Variants in EPB41 observed in about 807,000 individuals in gnomAD.
The protein encoded by EPB41 is erythrocyte membrane protein band 4.1.
Under a neutral mutation model 108.0 loss-of-function variants are expected in EPB41, and 65 were observed. The ratio of observed to expected loss-of-function variants is 0.60; its 90% CI spans 0.49 to 0.74. The LOEUF (loss-of-function observed/expected upper bound fraction) is 0.74. Ranked by LOEUF, EPB41 falls within the 30% of genes least tolerant of loss-of-function variation. EPB41 has a pLI of 0.00. For missense variants in EPB41, 875 were observed against 1,037.0 expected (o/e 0.84, Z 2.15); for synonymous variants, 336 against 358.9 (o/e 0.94, Z 0.72).
chr1:28,933,561 AT>A (rs1204685473), intron 1 of EPB41, among the ~76,000 whole-genome samples: 3 of 152,204 alleles, frequency 2.0e-5, no homozygotes, highest in Non-Finnish European at 4.4e-5. Flanking sequence ...GATGACCAGG[AT>A]TCAATCTAGG....
rs200686619 is a variant in EPB41 at position 29,025,554 on chromosome 1, A to G, written c.1125-4846A>G. 9.9e-5 allele frequency among the ~76,000 whole-genome samples: 15 copies of G among 152,106 alleles called. 1 individual carries two copies. The East Asian group carries it at 2.9e-3, about 29-fold the overall frequency. ...CTCAAAGGTCTTGGAAATTTTAGGG[A>G]AAACCTTGATCATTAAAATTTAAGG... On this transcript the variant is annotated intron_variant, in intron 7 of 20. Coordinates refer to ENST00000343067, the MANE Select transcript of EPB41 (RefSeq NM_001376013.1).
At chr1:28,978,008 T>C (rs574826289) in intron 1 of EPB41, among the ~76,000 whole-genome samples, 1 of 151,732 alleles carries the variant, frequency 6.6e-6, no homozygotes, top group South Asian at 2.1e-4. Context: ...TTCATTTTTA[T>C]GTTTTTTCTT....
At chr1:29,089,191 C>A (rs1660332603) in intron 16 of EPB41, among the ~76,000 whole-genome samples, 1 of 152,082 alleles carries the variant, frequency 6.6e-6, no homozygotes, top group Non-Finnish European at 1.5e-5. Flanking sequence ...GGTAAACATA[C>A]AAAAATATTA....
At chr1:29,059,003 A>G (rs547590112) in intron 14 of EPB41, among the ~76,000 whole-genome samples, 151 bp downstream of exon 14, 12 of 152,360 alleles carry the variant, frequency 7.9e-5, no homozygotes, top group African/African-American at 2.9e-4. Context: ...GGCCAGGAGC[A>G]TTGGCTCACA....
chr1:28,988,012 C>T (rs1250643026), intron 2 of EPB41, 107 bp downstream of exon 2: 6 of 1,230,676 alleles, frequency 4.9e-6, no homozygotes, highest in African/African-American at 4.5e-5. Flanking sequence ...CCTGTAATTC[C>T]ACCACTTTGG....
chr1:28,997,444 A>G, intron 4 of EPB41, 125 bp downstream of exon 4: 1 of 684,764 alleles, frequency 1.5e-6, no homozygotes, highest in Non-Finnish European at 2.6e-6. Flanking sequence ...GTCTACTCTT[A>G]TTTCTTAGAT....
chr1:28,959,221 T>TTC, intron 1 of EPB41, among the ~76,000 whole-genome samples: 1 of 146,412 alleles, frequency 6.8e-6, no homozygotes, highest in East Asian at 2.0e-4. Context: ...TCTTTTTTTT[T>TTC]TTTTTTTTTT....
rs1292707861 is a variant in EPB41 at position 28,931,572 on chromosome 1, A to G, written c.-8+16804A>G. Among the ~76,000 whole-genome samples, 4 of 148,492 alleles carry G rather than the reference A, an allele frequency of 2.7e-5. 1 individual carries two copies. The highest frequency in any genetic ancestry group is 9.9e-5 in the African/African-American group (4 of 40,218). The stretch of plus-strand genomic sequence containing the variant: ...GAGACAAAGTCTCGCTCTGTTGCCC[A>G]GGCTGGAGTGCAGTGGTGCGATCTC... On this transcript the variant is annotated intron_variant, in intron 1 of 20. Transcript: ENST00000343067.
At chr1:29,064,579 C>T (rs1647027583) in intron 15 of EPB41, among the ~76,000 whole-genome samples, 1 of 152,176 alleles carries the variant, frequency 6.6e-6, no homozygotes, top group Non-Finnish European at 1.5e-5. Context: ...TTATCTGTTG[C>T]TATCTCCATC....
chr1:29,044,382 C>T lies in EPB41; in HGVS notation c.1636+4956C>T, dbSNP rs142578574. Among the ~76,000 whole-genome samples the T allele has an allele frequency of 9.3e-3, 1,423 of 152,272 alleles. 10 individuals are homozygous for T. Among genetic ancestry groups the T allele is most frequent in the Admixed American group, 0.015 (235 of 15,294 alleles). ...GTCTTTTCCTGATAGCAAAGATAAC[C>T]AAAGAGTCAAGTGTTAATGAGCTTT... On this transcript the variant is annotated intron_variant, in intron 11 of 20. Coordinates refer to ENST00000343067, the MANE Select transcript of EPB41 (RefSeq NM_001376013.1).
intron 1 of EPB41, among the ~76,000 whole-genome samples, chr1:28,963,213 C>T (rs2095268723): frequency 6.6e-6 from 1 of 152,068 alleles, no homozygotes; most frequent in South Asian, 2.1e-4. Flanking sequence ...AAATAATCCA[C>T]CATCAATGCT....
At chr1:28,939,283 G>C (rs944274183) in intron 1 of EPB41, among the ~76,000 whole-genome samples, 4 of 151,948 alleles carry the variant, frequency 2.6e-5, no homozygotes, top group Non-Finnish European at 2.9e-5. Context: ...TATTCTATTG[G>C]TGTGGTGTAG....
At chr1:28,963,041 G>T (rs2095263964) in intron 1 of EPB41, among the ~76,000 whole-genome samples, 1 of 151,984 alleles carries the variant, frequency 6.6e-6, no homozygotes, top group African/African-American at 2.4e-5. Context: ...TTAGTGCCTT[G>T]TGCTTGGTGA....
At chr1:29,092,093 C>CTT (rs35413713) in intron 16 of EPB41, among the ~76,000 whole-genome samples, 2,553 of 113,072 alleles carry the variant, frequency 0.023, 102 homozygotes, top group Non-Finnish European at 0.036. Flanking sequence ...TTCTTACCTT[C>CTT]TTTTTTTTTT....
chr1:28,931,489 G>T (rs1048306112), intron 1 of EPB41, among the ~76,000 whole-genome samples: 3 of 150,250 alleles, frequency 2.0e-5, no homozygotes, highest in Non-Finnish European at 4.4e-5. Flanking sequence ...TGTATTTTTG[G>T]CTTCATACTC....
intron 1 of EPB41, among the ~76,000 whole-genome samples, chr1:28,935,111 CA>C (rs993430740): frequency 5.3e-5 from 8 of 150,910 alleles, no homozygotes; most frequent in African/African-American, 1.9e-4. Context: ...GACCCTGTAT[CA>C]AAAAAAGAAA....
intron 1 of EPB41, among the ~76,000 whole-genome samples, chr1:28,906,767 T>C (rs1408773128): frequency 6.9e-6 from 1 of 143,946 alleles, no homozygotes; most frequent in Non-Finnish European, 1.5e-5. Flanking sequence ...TCACCTAACT[T>C]TTCTTTTTTT....
rs1299719911 is a variant in EPB41, at chr1:29,061,371, G to A, written c.2007+887G>A. Among the ~76,000 whole-genome samples the A allele has an allele frequency of 2.0e-5, 3 of 151,914 alleles. 1 individual carries two copies. The highest frequency in any genetic ancestry group is 3.9e-4 in the East Asian group (2 of 5,180). ...TGCAAGCTCCGCTTCCCGGGTTCAC[G>A]CCATTCTGCTGCCTCAGCTTCCCAA... On this transcript the variant is annotated intron_variant, in intron 15 of 20. Transcript: ENST00000343067.
chr1:28,963,068 T>C (rs1301899991), intron 1 of EPB41, among the ~76,000 whole-genome samples: 1 of 152,166 alleles, frequency 6.6e-6, no homozygotes, highest in Non-Finnish European at 1.5e-5. Flanking sequence ...GTAGTCTTAA[T>C]TGAACTAAAT....
Sources: allele counts gnomAD v4.1 joint callset (sites outside exome capture counted in the v4.1 genomes callset), GRCh38; gene constraint gnomAD v4.1.1; transcripts MANE v1.5; gene names NCBI Gene and HGNC (gene_info 2026-07-23, HGNC 2026-07-21).